TMOD1: variants seen among roughly 807,000 people sequenced by gnomAD.
TMOD1 encodes tropomodulin-1.
In TMOD1, 17 loss-of-function variants were observed where a neutral mutation model predicts 40.6. The observed-to-expected ratio is 0.42, with a 90% CI of 0.29 to 0.63. The LOEUF is 0.63. Ranked by LOEUF, TMOD1 falls within the 20% of genes least tolerant of loss-of-function variation. The pLI, the probability that TMOD1 is intolerant of heterozygous loss-of-function variation, is 0.22. For synonymous variants in TMOD1, 181 were observed against 175.0 expected, an observed-to-expected ratio of 1.03 and a Z score of -0.27; for missense variants, 391 against 447.6, an observed-to-expected ratio of 0.87 and a Z score of 1.14.
intron 1 of TMOD1, among the ~76,000 whole-genome samples, chr9:97,519,769 C>T (rs556629232): frequency 2.0e-5 from 3 of 152,164 alleles, no homozygotes; most frequent in Admixed American, 6.5e-5. Flanking sequence ...ACATAGAACA[C>T]GGGTCCTCTC....
chr9:97,586,768 C>A (rs1168308214), intron 8 of TMOD1, among the ~76,000 whole-genome samples: 2 of 151,708 alleles, frequency 1.3e-5, no homozygotes, highest in South Asian at 2.1e-4. Context: ...ACCCGATTTT[C>A]CAGGTGCCGT....
intron 4 of TMOD1, chr9:97,555,324 T>C (rs1830519444): frequency 8.6e-7 from 1 of 1,160,850 alleles, no homozygotes; most frequent in African/African-American, 1.6e-5. Context: ...CCACATGGAC[T>C]GGGGCTGTTT....
intron 7 of TMOD1, among the ~76,000 whole-genome samples, chr9:97,567,059 T>A (rs1261082185): frequency 6.6e-6 from 1 of 152,238 alleles, no homozygotes; most frequent in East Asian, 1.9e-4. Context: ...TAGCAATCGA[T>A]TTTTTTCTGA....
chr9:97,598,025 T>G (rs1587969026), intron 9 of TMOD1, among the ~76,000 whole-genome samples: 1 of 151,954 alleles, frequency 6.6e-6, no homozygotes, highest in African/African-American at 2.4e-5. Context: ...AGGCTCAAGA[T>G]GAGTCAAAAG....
intron 3 of TMOD1, among the ~76,000 whole-genome samples, chr9:97,547,561 G>A (rs1256769737): frequency 1.3e-5 from 2 of 152,188 alleles, no homozygotes; most frequent in African/African-American, 2.4e-5. Context: ...AGTGAGTTCA[G>A]ATCTCTGTCA....
chr9:97,591,022 T>A (rs758220800), intron 8 of TMOD1, among the ~76,000 whole-genome samples: 15 of 152,198 alleles, frequency 9.9e-5, no homozygotes, highest in Non-Finnish European at 2.1e-4. Flanking sequence ...GAGCTCTTAC[T>A]TGGGCACCTG....
At chr9:97,515,811 C>T (rs1458171388) in intron 1 of TMOD1, among the ~76,000 whole-genome samples, 1 of 152,030 alleles carries the variant, frequency 6.6e-6, no homozygotes, top group African/African-American at 2.4e-5. Flanking sequence ...CAGTTCAGCT[C>T]TCTCCCTCTC....
chr9:97,568,907 T>C lies in TMOD1; in HGVS notation c.740T>C (p.Met247Thr). The C allele has an allele frequency of 6.2e-7, 1 of 1,614,136 alleles. No homozygotes were observed. Among genetic ancestry groups the C allele is most frequent in the Non-Finnish European group, 8.5e-7 (1 of 1,179,990 alleles). The stretch of plus-strand genomic sequence containing the variant: ...TTGTGCTTCAAGGCCCTTGCTGAGA[T>C]GCTCAAGGAGAACAAGGTGTTGAAG... ...NDPVAYALAE[M>T]LKENKVLKTL... Residue 247 changes from methionine to threonine, a missense_variant, in exon 8 of 10, where the codon ATG (methionine) becomes ACG (threonine). Coordinates refer to ENST00000259365, the MANE Select transcript of TMOD1 (RefSeq NM_003275.4).
At chr9:97,553,718 A>G (rs919916867) in intron 4 of TMOD1, among the ~76,000 whole-genome samples, 1 of 152,026 alleles carries the variant, frequency 6.6e-6, no homozygotes, top group Admixed American at 6.5e-5. Flanking sequence ...TGCCCAAACC[A>G]TTTGGGAAGA....
chr9:97,583,822 G>A (rs1825809856), intron 8 of TMOD1, among the ~76,000 whole-genome samples: 1 of 144,200 alleles, frequency 6.9e-6, no homozygotes, highest in South Asian at 2.2e-4. Context: ...ATGGTAGTTT[G>A]TATTTCTGTG....
At chr9:97,533,546 T>C (rs1345981225) in intron 2 of TMOD1, among the ~76,000 whole-genome samples, 2 of 152,248 alleles carry the variant, frequency 1.3e-5, no homozygotes, top group Non-Finnish European at 2.9e-5. Flanking sequence ...CAGATGTGAC[T>C]GCCCTGACAG....
At chr9:97,549,351 C>T (rs1830413708) in intron 3 of TMOD1, among the ~76,000 whole-genome samples, 2 of 152,116 alleles carry the variant, frequency 1.3e-5, no homozygotes, top group South Asian at 4.1e-4. Flanking sequence ...ATTCACATGC[C>T]ACTAGTAAGA....
At chr9:97,521,508 C>G (rs1424102421) in intron 1 of TMOD1, among the ~76,000 whole-genome samples, 1 of 152,172 alleles carries the variant, frequency 6.6e-6, no homozygotes, top group East Asian at 1.9e-4. Flanking sequence ...ATCCTCTCCC[C>G]ATCCTGGCTT....
chr9:97,540,845 A>G (rs1830266485), intron 2 of TMOD1, among the ~76,000 whole-genome samples: 1 of 152,216 alleles, frequency 6.6e-6, no homozygotes, highest in Admixed American at 6.5e-5. Flanking sequence ...TTCGTGTACA[A>G]GCATTTGGGT....
chr9:97,572,368 G>A (rs1830832165), intron 8 of TMOD1, among the ~76,000 whole-genome samples: 1 of 152,138 alleles, frequency 6.6e-6, no homozygotes, highest in African/African-American at 2.4e-5. Context: ...AGATGGTTCT[G>A]GCTGGATGGG....
chr9:97,583,484 T>A (rs1825802372), intron 8 of TMOD1, among the ~76,000 whole-genome samples: 1 of 151,480 alleles, frequency 6.6e-6, no homozygotes, highest in Non-Finnish European at 1.5e-5. Flanking sequence ...TGTCTCTGCC[T>A]GGCTTTGGTA....
intron 1 of TMOD1, among the ~76,000 whole-genome samples, chr9:97,505,364 G>C (rs1004753547): frequency 1.3e-5 from 2 of 152,162 alleles, no homozygotes; most frequent in Non-Finnish European, 2.9e-5. Context: ...GTTCTCAGGG[G>C]CCCCAGCCTC....
intron 4 of TMOD1, among the ~76,000 whole-genome samples, chr9:97,559,829 ATC>A (rs1219428915): frequency 0.028 from 1,690 of 61,052 alleles, 65 homozygotes; most frequent in Middle Eastern, 0.092. Context: ...ATATATGTCT[ATC>A]TATCTATCTA....
intron 3 of TMOD1, among the ~76,000 whole-genome samples, chr9:97,550,026 A>T (rs760971300): frequency 5.3e-5 from 8 of 152,170 alleles, no homozygotes; most frequent in African/African-American, 1.4e-4. Flanking sequence ...AAAACCCTGT[A>T]CCTATTACAG....
Sources: allele counts gnomAD v4.1 joint callset (sites outside exome capture counted in the v4.1 genomes callset), GRCh38; gene constraint gnomAD v4.1.1; transcripts MANE v1.5; gene names NCBI Gene and HGNC (gene_info 2026-07-23, HGNC 2026-07-21).